The following PLEKHA3 variants were observed in gnomAD, a reference collection of about 807,000 sequenced individuals.
PLEKHA3 encodes pleckstrin homology domain-containing family A member 3.
In PLEKHA3, 19 loss-of-function variants were observed where a neutral mutation model predicts 39.2. That is an observed-to-expected ratio of 0.48 (90% CI 0.34 to 0.71). The LOEUF is 0.71. Among genes scored for constraint, PLEKHA3 ranks in the 30% least tolerant of loss-of-function variants. The pLI, the probability that PLEKHA3 is intolerant of heterozygous loss-of-function variation, is 0.01. For missense variants in PLEKHA3, 253 were observed against 359.5 expected, an observed-to-expected ratio of 0.70 and a Z score of 2.40; for synonymous variants, 97 against 118.6, an observed-to-expected ratio of 0.82 and a Z score of 1.18.
At chr2:178,502,795 C>T (rs1685544611) in intron 7 of PLEKHA3, among the ~76,000 whole-genome samples, 1 of 146,036 alleles carries the variant, frequency 6.8e-6, no homozygotes, top group Admixed American at 6.7e-5. Context: ...ACTAGTCTCA[C>T]ACACACACAC....
chr2:178,487,374 T>A (rs1028195020), intron 2 of PLEKHA3, among the ~76,000 whole-genome samples: 1 of 152,212 alleles, frequency 6.6e-6, no homozygotes, highest in Non-Finnish European at 1.5e-5. Flanking sequence ...AGGATTCAAA[T>A]GAGCCTGACT....
chr2:178,498,940 T>C (rs1055424628), intron 5 of PLEKHA3, among the ~76,000 whole-genome samples: 6 of 152,226 alleles, frequency 3.9e-5, no homozygotes, highest in African/African-American at 1.4e-4. Context: ...ATATGTATTA[T>C]GTATAAAATT....
rs116660860 is a variant in PLEKHA3, at chr2:178,490,078, T to C, written c.158-581T>C. On this transcript the variant is annotated intron_variant, in intron 2 of 7. Coordinates refer to ENST00000234453, the MANE Select transcript of PLEKHA3 (RefSeq NM_019091.4). ...CATCATAATTCCTGATTAGCTCTCT[T>C]TTCTCAGAGCATCAAAGGAGGTGTG... Among the ~76,000 whole-genome samples the C allele has an allele frequency of 1.5e-3, 230 of 152,332 alleles. 1 individual carries two copies. Among genetic ancestry groups the C allele is most frequent in the African/African-American group, 5.3e-3 (221 of 41,568 alleles).
At chr2:178,495,266 A>G (rs1159778525) in intron 4 of PLEKHA3, among the ~76,000 whole-genome samples, 1 of 152,188 alleles carries the variant, frequency 6.6e-6, no homozygotes, top group Non-Finnish European at 1.5e-5. Flanking sequence ...CTTAGAATCT[A>G]GTTTCATACA....
rs762576782 is a variant in PLEKHA3, at chr2:178,501,175, T to G, written c.774T>G (p.Asp258Glu). The G allele has an allele frequency of 4.9e-5, 79 of 1,604,100 alleles. No individual in the cohort carries two copies. The highest frequency in any genetic ancestry group is 6.1e-5 in the Non-Finnish European group (71 of 1,172,858). The part of the protein sequence containing the change: ...SCSDIPLEDP[D>E]RPVHCSKNTL... The stretch of plus-strand genomic sequence containing the variant: ...GTGATATTCCTCTTGAAGACCCAGA[T>G]AGTAAGTGACATAGATTCTGTCTCT... The change falls in exon 7 of 8, where the codon GAT becomes GAG. Residue 258 changes from aspartate to glutamate, a missense_variant and splice_region_variant. Coordinates refer to ENST00000234453, the MANE Select transcript of PLEKHA3 (RefSeq NM_019091.4).
chr2:178,501,403 G>GT (rs1386636115), intron 7 of PLEKHA3, among the ~76,000 whole-genome samples: 7 of 151,872 alleles, frequency 4.6e-5, no homozygotes, highest in Admixed American at 1.3e-4. Flanking sequence ...TGTAAATATC[G>GT]TATCTCAGAT....
rs1201709979 is a variant in PLEKHA3 at position 178,515,701 on chromosome 2, A to AT, written c.*11821dup. On this transcript the variant is annotated 3_prime_UTR_variant, in exon 8 of 8. Transcript: ENST00000234453. The stretch of plus-strand genomic sequence containing the variant: ...TAGTATTTATCTTTGCTTTCTAATT[A>AT]TTTTTTTGTAATTTTTTTGCTTTCT... The AT allele has an allele frequency of 2.0e-5, 3 of 151,918 alleles. No homozygotes were observed. Among genetic ancestry groups the AT allele is most frequent in the Admixed American group, 6.6e-5 (1 of 15,248 alleles). The allele number at this position is 151,918 out of a possible 1,614,324, so 9.4% of individuals were successfully genotyped here.
At chr2:178,486,811 T>C (rs1685257921) in intron 2 of PLEKHA3, among the ~76,000 whole-genome samples, 1 of 152,200 alleles carries the variant, frequency 6.6e-6, no homozygotes, top group Admixed American at 6.5e-5. Context: ...GGGACTACAG[T>C]GACTAAAGCT....
intron 2 of PLEKHA3, among the ~76,000 whole-genome samples, chr2:178,489,399 C>T (rs939247384): frequency 6.6e-6 from 1 of 151,414 alleles, no homozygotes; most frequent in Non-Finnish European, 1.5e-5. Flanking sequence ...TAATTTGGCT[C>T]CTCCCAGCTT....
In PLEKHA3 at chr2:178,515,467, TAGATGATTATAG is replaced by T. The variant is rs1685748303; in HGVS notation, c.*11583_*11594del. Reference sequence around the variant, plus strand: ...ACTTTATCTTTTTCTCCAGTTTTGATAGATGATTATAGAGTTCCCCAAAATGGCCTTCTTACT... The same window carrying T: ...ACTTTATCTTTTTCTCCAGTTTTGATAGTTCCCCAAAATGGCCTTCTTACT... On this transcript the variant is annotated 3_prime_UTR_variant, in exon 8 of 8. Coordinates refer to ENST00000234453, the MANE Select transcript of PLEKHA3 (RefSeq NM_019091.4). The T allele has an allele frequency of 6.6e-6, 1 of 152,202 alleles. No individual in the cohort carries two copies. The highest frequency in any genetic ancestry group is 2.1e-4 in the South Asian group (1 of 4,828). The allele number at this position is 152,202 out of a possible 1,614,324, so 9.4% of individuals were successfully genotyped here.
At position 178,483,341 on chromosome 2, in the gene PLEKHA3, A is replaced by T. The variant is rs534538291; in HGVS notation, c.41-2300A>T. The stretch of plus-strand genomic sequence containing the variant: ...TTTGTAGTTTGAGATAAAAAGAATT[A>T]AAAAAAAAAAAGAATTTTAAAAAGG... On this transcript the variant is annotated intron_variant, in intron 1 of 7. Coordinates refer to ENST00000234453, the MANE Select transcript of PLEKHA3 (RefSeq NM_019091.4). Among the ~76,000 whole-genome samples the T allele has an allele frequency of 7.9e-3, 948 of 119,578 alleles. 1 individual carries two copies. The highest frequency in any genetic ancestry group is 0.014 in the Non-Finnish European group (737 of 51,992). The allele number at this position is 119,578 out of a possible 152,430, so 78.4% of individuals were successfully genotyped here.
At position 178,516,449 on chromosome 2, in the gene PLEKHA3, C is replaced by A. The variant is rs1685765962; in HGVS notation, c.*12562C>A. ...TAGTAATTTTATAAATTCAATAAAA[C>A]CTGAGTGATGTGAACAGTGTGGGGG... On this transcript the variant is annotated 3_prime_UTR_variant, in exon 8 of 8. Coordinates refer to ENST00000234453, the MANE Select transcript of PLEKHA3 (RefSeq NM_019091.4). 6.6e-6 allele frequency: 1 copy of A among 151,612 alleles called. No individual in the cohort carries two copies. The allele number at this position is 151,612 out of a possible 1,614,324, so 9.4% of individuals were successfully genotyped here. A position where few individuals can be genotyped will look rare whatever the true frequency, so the allele number is the denominator to read the frequency against.
intron 2 of PLEKHA3, among the ~76,000 whole-genome samples, chr2:178,486,497 G>T (rs1685252301): frequency 6.6e-6 from 1 of 152,182 alleles, no homozygotes; most frequent in Non-Finnish European, 1.5e-5. Context: ...CATGAAGTGT[G>T]TTTCCTTTGA....
At chr2:178,490,337 A>G (rs1441034725) in intron 2 of PLEKHA3, among the ~76,000 whole-genome samples, 1 of 152,230 alleles carries the variant, frequency 6.6e-6, no homozygotes, top group African/African-American at 2.4e-5. Context: ...ATAGTGTAAC[A>G]TTCATTGCAG....
At chr2:178,488,058 G>A (rs1234015726) in intron 2 of PLEKHA3, among the ~76,000 whole-genome samples, 1 of 151,832 alleles carries the variant, frequency 6.6e-6, no homozygotes, top group Non-Finnish European at 1.5e-5. Context: ...CAGATCGCTT[G>A]TGCTCAGGAG....
chr2:178,495,130 TA>T (rs1685420953), intron 4 of PLEKHA3, among the ~76,000 whole-genome samples: 1 of 152,150 alleles, frequency 6.6e-6, no homozygotes, highest in Admixed American at 6.5e-5. Context: ...TAATTAACTC[TA>T]AGGGTATTCC....
At chr2:178,483,136 G>A (rs1445614493) in intron 1 of PLEKHA3, among the ~76,000 whole-genome samples, 1 of 152,098 alleles carries the variant, frequency 6.6e-6, no homozygotes, top group Non-Finnish European at 1.5e-5. Flanking sequence ...GCATGCACCT[G>A]TAGTCCTAGC....
At chr2:178,503,276 T>C (rs1685557668) in intron 7 of PLEKHA3, among the ~76,000 whole-genome samples, 1 of 151,932 alleles carries the variant, frequency 6.6e-6, no homozygotes, top group Non-Finnish European at 1.5e-5. Context: ...GCTCAGAAAG[T>C]CTTAGAATGA....
intron 5 of PLEKHA3, among the ~76,000 whole-genome samples, chr2:178,497,292 G>A (rs893855434): frequency 6.6e-5 from 10 of 151,750 alleles, no homozygotes; most frequent in East Asian, 5.8e-4. Context: ...GTGCAGTGGC[G>A]CAATCTCAGC....
Sources: gnomAD v4.1 joint callset for allele counts (sites outside exome capture counted in the v4.1 genomes callset) on GRCh38, gnomAD v4.1.1 for gene constraint, MANE v1.5 for transcripts, NCBI Gene and HGNC (gene_info 2026-07-23, HGNC 2026-07-21) for gene names.